Variants in FLNB observed in about 807,000 individuals in gnomAD.
FLNB encodes the protein filamin B, also known as filamin-B.
Under a neutral mutation model 250.6 loss-of-function variants are expected in FLNB, and 111 were observed. The observed-to-expected ratio is 0.44, with a 90% CI of 0.38 to 0.52. FLNB has a LOEUF of 0.52. FLNB is among the 20% of genes least tolerant of loss of function. The pLI, the probability that FLNB is intolerant of heterozygous loss-of-function variation, is 0.00. For synonymous variants in FLNB, 1,302 were observed against 1,372.1 expected (o/e 0.95, Z 1.13); for missense variants, 2,869 against 3,447.8 (o/e 0.83, Z 4.20).
At chr3:58,032,170 A>G (rs2097131991) in intron 1 of FLNB, among the ~76,000 whole-genome samples, 1 of 151,978 alleles carries the variant, frequency 6.6e-6, no homozygotes, top group Non-Finnish European at 1.5e-5. Flanking sequence ...CCTGAGCTCA[A>G]GCAATCCTCT....
intron 32 of FLNB, among the ~76,000 whole-genome samples, chr3:58,143,909 C>A (rs2097331461): frequency 6.6e-6 from 1 of 152,080 alleles, no homozygotes; most frequent in South Asian, 2.1e-4. Context: ...AAATGGGAGG[C>A]ATGGTGAGGG....
intron 1 of FLNB, among the ~76,000 whole-genome samples, chr3:58,072,315 G>T (rs1177566974): frequency 6.6e-6 from 1 of 152,172 alleles, no homozygotes; most frequent in Non-Finnish European, 1.5e-5. Flanking sequence ...TGGTTAGGCG[G>T]ACCTGGTAGG....
intron 1 of FLNB, among the ~76,000 whole-genome samples, chr3:58,035,079 GTTTCACGTGGCTTC>G (rs2097136167): frequency 1.3e-5 from 2 of 152,188 alleles, no homozygotes. Flanking sequence ...TCAAGGAGGT[GTTTCACGTGGCTTC>G]CTGTGTCACT....
chr3:58,153,411 G>T lies in FLNB; in HGVS notation c.6404G>T (p.Ser2135Ile), dbSNP rs953797910. Reference protein sequence around the residue: ...NSSDMSAHVTSPSGRVTEAEI... With the variant: ...NSSDMSAHVTIPSGRVTEAEI... Reference sequence around the variant, plus strand: ...AGTGATATGTCGGCCCACGTCACCAGCCCCTCTGGCCGTGTGACTGAGGCA... The same window carrying T: ...AGTGATATGTCGGCCCACGTCACCATCCCCTCTGGCCGTGTGACTGAGGCA... The change falls in exon 39 of 46, where the codon AGC becomes ATC. Residue 2135 changes from serine to isoleucine, a missense_variant. Coordinates refer to ENST00000295956, the MANE Select transcript of FLNB (RefSeq NM_001457.4). 2 of 1,614,238 alleles carry T rather than the reference G, an allele frequency of 1.2e-6. No homozygotes were observed. Among genetic ancestry groups the T allele is most frequent in the African/African-American group, 2.7e-5 (2 of 75,072 alleles).
chr3:58,031,535 T>C (rs2686637), intron 1 of FLNB, among the ~76,000 whole-genome samples: 102,942 of 143,254 alleles, frequency 0.72, 37,554 homozygotes, highest in East Asian at 0.95. Flanking sequence ...TGAGCCACCG[T>C]GCCCTGCCTT....
intron 1 of FLNB, among the ~76,000 whole-genome samples, chr3:58,041,760 C>T (rs563676807): frequency 6.6e-6 from 1 of 152,236 alleles, no homozygotes; most frequent in Admixed American, 6.5e-5. Flanking sequence ...TCAAGCCTAC[C>T]TTACAAATCC....
intron 1 of FLNB, among the ~76,000 whole-genome samples, chr3:58,068,013 G>A (rs2097188368): frequency 6.6e-6 from 1 of 152,254 alleles, no homozygotes; most frequent in Admixed American, 6.5e-5. Flanking sequence ...GCCTCTCCTA[G>A]TGCAGGCCAA....
chr3:58,142,071 G>A lies in FLNB; in HGVS notation c.5181+142G>A, dbSNP rs1212091883. The stretch of plus-strand genomic sequence containing the variant: ...TGCCCCTCACTGATCAGCCCATCAC[G>A]ATGATCCCTGCTTTTTCTGTAATAA... On this transcript the variant is annotated intron_variant, in intron 30 of 45. Transcript: ENST00000295956. This position sits in a 1 kb window ranked among gnomAD's most constrained non-coding sequence, Gnocchi z 4.3. 1.2e-5 allele frequency: 9 copies of A among 743,864 alleles called. No homozygotes were observed. Among genetic ancestry groups the A allele is most frequent in the African/African-American group, 1.0e-4 (6 of 57,720 alleles). The allele number at this position is 743,864 out of a possible 1,614,324, so 46.1% of individuals were successfully genotyped here.
chr3:58,130,184 G>T (rs906452441), intron 24 of FLNB, among the ~76,000 whole-genome samples: 2 of 152,156 alleles, frequency 1.3e-5, no homozygotes, highest in African/African-American at 4.8e-5. Context: ...GGACAGGGCT[G>T]GATGTGGGCT....
rs34338961 is a variant in FLNB, at chr3:58,164,457, C to T, written c.7198+1127C>T. On this transcript the variant is annotated intron_variant, in intron 43 of 45. Transcript: ENST00000295956. The surrounding 1 kb of genome is among the most constrained non-coding windows in gnomAD (Gnocchi z 4.0). ...TTTCTTGAGTCTCTTGTGTGTGTAC[C>T]CCCACCCCGCATAAGGAGAGTGGGA... 13,439 of 152,264 alleles carry T rather than the reference C, an allele frequency of 0.088. 713 individuals are homozygous for T. The highest frequency in any genetic ancestry group is 0.11 in the Non-Finnish European group (7,475 of 68,044). 9.4% of individuals were successfully genotyped at this position (152,264 alleles called of 1,614,324 possible).
At chr3:58,128,357 A>G (rs537960121) in intron 24 of FLNB, among the ~76,000 whole-genome samples, 31 of 152,348 alleles carry the variant, frequency 2.0e-4, no homozygotes, top group Admixed American at 1.2e-3. Flanking sequence ...ATTTAAAACA[A>G]CATGTTTCTC....
chr3:58,029,987 C>G (rs2097128651), intron 1 of FLNB, among the ~76,000 whole-genome samples: 1 of 152,152 alleles, frequency 6.6e-6, no homozygotes, highest in Non-Finnish European at 1.5e-5. Context: ...TGTAAAGTGC[C>G]TGAGACATGG....
chr3:58,106,698 C>T lies in FLNB; in HGVS notation c.1766C>T (p.Pro589Leu). The change falls in exon 12 of 46, where the codon CCC becomes CTC. Residue 589 changes from proline to leucine, a missense_variant. Physicochemically the swap from Pro to Leu is moderately conservative, Grantham distance 98. Coordinates refer to ENST00000295956, the MANE Select transcript of FLNB (RefSeq NM_001457.4). ...CCCCTAGGGTTTGCCATTGAAGGCC[C>T]CTCTCAGGCAAAGATTGAGTACAAC... ...VGSLGFAIEG[P>L]SQAKIEYNDQ... 3.1e-6 allele frequency: 5 copies of T among 1,614,140 alleles called. No homozygotes were observed. Among genetic ancestry groups the T allele is most frequent in the Non-Finnish European group, 4.2e-6 (5 of 1,180,016 alleles).
At chr3:58,065,296 T>G (rs1451673651) in intron 1 of FLNB, among the ~76,000 whole-genome samples, 3 of 152,226 alleles carry the variant, frequency 2.0e-5, no homozygotes, top group African/African-American at 7.2e-5. Context: ...AGCATGTGTG[T>G]GGATCACTTC....
chr3:58,048,291 T>A (rs1016287318), intron 1 of FLNB, among the ~76,000 whole-genome samples: 13 of 152,178 alleles, frequency 8.5e-5, no homozygotes. Context: ...CTTGTAGAAC[T>A]GGTGTTTCTC....
chr3:58,168,406 C>T, intron 43 of FLNB, 34 bp from the exon 44 acceptor site: 1 of 1,552,502 alleles, frequency 6.4e-7, no homozygotes, highest in Non-Finnish European at 8.9e-7. Flanking sequence ...CCCTCCAAGT[C>T]ATCAACACAG....
rs3732633 is a variant in FLNB at position 58,125,558 on chromosome 3, T to G, written c.3899-23T>G. The stretch of plus-strand genomic sequence containing the variant: ...TAGGGGATTTGTATGCAAATATGCG[T>G]TTCTGTTTGTTGTTTTGAGCAGGTC... On this transcript the variant is annotated intron_variant, in intron 22 of 45. Transcript: ENST00000295956. 495,235 of 1,610,718 alleles carry G rather than the reference T, an allele frequency of 0.31. 93,880 individuals are homozygous for G. Among genetic ancestry groups the G allele is most frequent in the East Asian group, 0.93 (41,583 of 44,868 alleles).
intron 1 of FLNB, among the ~76,000 whole-genome samples, chr3:58,012,782 G>A (rs1002642537): frequency 1.3e-5 from 2 of 152,166 alleles, no homozygotes; most frequent in Non-Finnish European, 2.9e-5. Flanking sequence ...TTATTCCATC[G>A]TCAGGGAAGG....
chr3:58,046,298 G>T (rs1470769306), intron 1 of FLNB, among the ~76,000 whole-genome samples: 1 of 152,034 alleles, frequency 6.6e-6, no homozygotes, highest in Non-Finnish European at 1.5e-5. Context: ...TTGCAGGCTA[G>T]AGGAATTTAT....
Sources: gnomAD v4.1 joint callset for allele counts (sites outside exome capture counted in the v4.1 genomes callset) on GRCh38, gnomAD v4.1.1 for gene constraint, Gnocchi (gnomAD v3.1) non-coding constraint, MANE v1.5 for transcripts, NCBI Gene and HGNC (gene_info 2026-07-23, HGNC 2026-07-21) for gene names.